Variants in MANBA observed in about 807,000 individuals in gnomAD.
MANBA encodes mannosidase beta.
Under a neutral mutation model 111.1 loss-of-function variants are expected in MANBA, and 83 were observed. The observed-to-expected ratio is 0.75, with a 90% confidence interval of 0.63 to 0.90. MANBA has a LOEUF of 0.90. Ranked by LOEUF, MANBA falls within the 40% of genes least tolerant of loss-of-function variation. The pLI is 0.00. For missense variants in MANBA, 1,036 were observed against 1,069.0 expected (o/e 0.97, Z 0.43); for synonymous variants, 370 against 378.7 (o/e 0.98, Z 0.27).
intron 1 of MANBA, among the ~76,000 whole-genome samples, chr4:102,754,426 T>A (rs567070094): frequency 3.9e-5 from 6 of 152,318 alleles, no homozygotes; most frequent in Middle Eastern, 6.8e-3. Context: ...TAACAGATTA[T>A]AACTGATGGT....
At chr4:102,704,752 G>A (rs951313763) in intron 5 of MANBA, among the ~76,000 whole-genome samples, 1 of 151,630 alleles carries the variant, frequency 6.6e-6, no homozygotes, top group Admixed American at 6.6e-5. Flanking sequence ...AAAAATTCTG[G>A]AGAAACTCCT....
chr4:102,664,912 A>C, intron 10 of MANBA, 60 bp from the exon 11 acceptor site: 1 of 1,293,132 alleles, frequency 7.7e-7, no homozygotes, highest in Non-Finnish European at 1.1e-6. Flanking sequence ...ATTCAGAGCT[A>C]TAATTACTCA....
At position 102,706,331 on chromosome 4, in the gene MANBA, T is replaced by C. The variant is rs185972984; in HGVS notation, c.673+8107A>G. On this transcript the variant is annotated intron_variant, in intron 5 of 16. Transcript: ENST00000647097. ...ACTATACCCTAAGCCACTGAGGAAATCACAAACACCACTGATGCTGTTTAC... is the reference window on the plus strand; with the variant it reads ...ACTATACCCTAAGCCACTGAGGAAACCACAAACACCACTGATGCTGTTTAC... Among the ~76,000 whole-genome samples, 488 of 152,250 alleles carry C rather than the reference T, an allele frequency of 3.2e-3. 2 individuals carry two copies. Among genetic ancestry groups the C allele is most frequent in the African/African-American group, 0.011 (456 of 41,540 alleles).
At chr4:102,658,764 A>G (rs1730704433) in intron 11 of MANBA, 1 of 152,246 alleles carries the variant, frequency 6.6e-6, no homozygotes, top group Non-Finnish European at 1.5e-5. Flanking sequence ...AGGTGTCTAT[A>G]TCTCTGAAAG....
chr4:102,635,424 A>G (rs1486034227), intron 15 of MANBA, among the ~76,000 whole-genome samples: 1 of 152,164 alleles, frequency 6.6e-6, no homozygotes, highest in Non-Finnish European at 1.5e-5. Flanking sequence ...TTTTACTTAA[A>G]TTTGTTTTTT....
chr4:102,653,848 G>A (rs1211446369), intron 12 of MANBA, among the ~76,000 whole-genome samples: 2 of 152,130 alleles, frequency 1.3e-5, no homozygotes, highest in African/African-American at 4.8e-5. Context: ...CTAAAGCGTG[G>A]TGAAAAGAAA....
chr4:102,734,457 C>G (rs1723136690), intron 1 of MANBA: 1 of 1,604,414 alleles, frequency 6.2e-7, no homozygotes, highest in African/African-American at 1.3e-5. Context: ...CATCTTCCAG[C>G]TCATCTGTGT....
chr4:102,653,988 A>C (rs1379993739), intron 12 of MANBA, among the ~76,000 whole-genome samples: 1 of 152,108 alleles, frequency 6.6e-6, no homozygotes, highest in African/African-American at 2.4e-5. Context: ...TCACTCTTTT[A>C]TTAGACAATA....
chr4:102,754,330 A>G (rs1247280002), intron 1 of MANBA, among the ~76,000 whole-genome samples: 2 of 152,130 alleles, frequency 1.3e-5, no homozygotes, highest in Admixed American at 1.3e-4. Context: ...CTAAGAAAAT[A>G]AAGATGTACA....
chr4:102,642,290 G>A (rs1341260209), intron 13 of MANBA, among the ~76,000 whole-genome samples: 1 of 152,164 alleles, frequency 6.6e-6, no homozygotes, highest in East Asian at 1.9e-4. Context: ...ACTGTTAGCA[G>A]ACAAATGAAT....
intron 1 of MANBA, chr4:102,727,822 C>A (rs924796877): frequency 3.2e-6 from 2 of 627,170 alleles, no homozygotes; most frequent in Non-Finnish European, 5.8e-6. Flanking sequence ...GAAATACTTC[C>A]GGAAAAGGAT....
At chr4:102,740,669 A>G (rs932413941) in intron 1 of MANBA, among the ~76,000 whole-genome samples, 2 of 152,198 alleles carry the variant, frequency 1.3e-5, no homozygotes, top group African/African-American at 4.8e-5. Flanking sequence ...GATCTTTGAC[A>G]AATGAAAGAA....
Position 102,671,267 on chromosome 4 carries a change from T to G in MANBA, c.1230+14A>C. 5 of 1,435,170 alleles carry G rather than the reference T, an allele frequency of 3.5e-6. No individual in the cohort carries two copies. Among genetic ancestry groups the G allele is most frequent in the Non-Finnish European group, 4.9e-6 (5 of 1,017,252 alleles). The allele number at this position is 1,435,170 out of a possible 1,614,324, so 88.9% of individuals were successfully genotyped here. A position where few individuals can be genotyped will look rare whatever the true frequency, so the allele number is the denominator to read the frequency against. ...AGTAACTTATCAATATATAAAATGC[T>G]ATCAACTTCTCACCATTATTCCTAG... On this transcript the variant is annotated intron_variant, in intron 9 of 16. Transcript: ENST00000647097.
At chr4:102,751,108 T>C (rs146956180) in intron 1 of MANBA, among the ~76,000 whole-genome samples, 1 of 152,222 alleles carries the variant, frequency 6.6e-6, no homozygotes, top group African/African-American at 2.4e-5. Context: ...AGAAACTGCT[T>C]ATTTGCTACT....
chr4:102,730,467 G>A, intron 1 of MANBA: 1 of 516,202 alleles, frequency 1.9e-6, no homozygotes. Flanking sequence ...CAGCTGCACT[G>A]CGGGGGCGGT....
rs144490969 is a variant in MANBA at position 102,673,982 on chromosome 4, A to G, written c.1049T>C (p.Ile350Thr). ...GATCCAGTTTGAGCCTTTTAGAAAT[A>G]TGGGAAATCCATTAATTTTGAAATA... ...SFYFKINGFPIFLKGSNWIPA... is the reference protein window; with the variant it reads ...SFYFKINGFPTFLKGSNWIPA... Residue 350 changes from isoleucine (I) to threonine (T), a missense_variant, in exon 8 of 17, where the codon ATA (isoleucine) becomes ACA (threonine). Coordinates refer to ENST00000647097, the MANE Select transcript of MANBA (RefSeq NM_005908.4). The G allele has an allele frequency of 6.8e-6, 11 of 1,609,242 alleles. No homozygotes were observed. The African/African-American group carries it at 1.5e-4, about 22-fold the overall frequency.
intron 2 of MANBA, among the ~76,000 whole-genome samples, chr4:102,725,183 G>T (rs1452861732): frequency 1.3e-5 from 2 of 152,122 alleles, no homozygotes; most frequent in African/African-American, 4.8e-5. Context: ...TGATGGTTTT[G>T]TAACTGTAAG....
At chr4:102,654,344 T>C (rs1313950909) in intron 12 of MANBA, among the ~76,000 whole-genome samples, 1 of 152,150 alleles carries the variant, frequency 6.6e-6, no homozygotes, top group Admixed American at 6.5e-5. Flanking sequence ...AATGTATATA[T>C]GTTTCAAAAC....
intron 13 of MANBA, among the ~76,000 whole-genome samples, chr4:102,641,906 C>A (rs1729893685): frequency 1.3e-5 from 2 of 150,910 alleles, no homozygotes; most frequent in Admixed American, 1.3e-4. Context: ...TATCTAGTAG[C>A]CTCTCTTACA....
Sources: allele counts gnomAD v4.1 joint callset (sites outside exome capture counted in the v4.1 genomes callset), GRCh38; gene constraint gnomAD v4.1.1; transcripts MANE v1.5; gene names NCBI Gene and HGNC (gene_info 2026-07-23, HGNC 2026-07-21).